UNC5D: variants seen among roughly 807,000 people sequenced by gnomAD.
UNC5D encodes the protein netrin receptor UNC5D.
Under a neutral mutation model 105.4 loss-of-function variants are expected in UNC5D, and 39 were observed. The ratio of observed to expected loss-of-function variants is 0.37; its 90% confidence interval spans 0.29 to 0.48. The LOEUF (loss-of-function observed/expected upper bound fraction) is 0.48. UNC5D is among the 20% of genes least tolerant of loss of function. The probability of loss-of-function intolerance (pLI) is 0.98; values close to 1 mark genes in which losing one functional copy is unlikely to be tolerated. For synonymous variants in UNC5D, 452 were observed against 450.4 expected, an observed-to-expected ratio of 1.00 and a Z score of -0.04; for missense variants, 991 against 1,202.4, an observed-to-expected ratio of 0.82 and a Z score of 2.60.
chr8:35,397,282 T>A (rs1483990367), intron 1 of UNC5D, among the ~76,000 whole-genome samples: 1 of 152,144 alleles, frequency 6.6e-6, no homozygotes, highest in Non-Finnish European at 1.5e-5. Flanking sequence ...TAGGCTTTCA[T>A]AAGGAAGCAG....
chr8:35,648,707 G>C (rs931556663), intron 4 of UNC5D, among the ~76,000 whole-genome samples: 4 of 146,662 alleles, frequency 2.7e-5, no homozygotes, highest in African/African-American at 1.0e-4. Flanking sequence ...AAAAAGGAGA[G>C]AGATCTCCAG....
At chr8:35,790,136 A>G (rs1238815249) in intron 16 of UNC5D, among the ~76,000 whole-genome samples, 1 of 152,068 alleles carries the variant, frequency 6.6e-6, no homozygotes, top group Non-Finnish European at 1.5e-5. Flanking sequence ...GAAAGACAAA[A>G]CAAGACTTGG....
chr8:35,560,019 A>G (rs1464606681), intron 2 of UNC5D, among the ~76,000 whole-genome samples: 1 of 152,236 alleles, frequency 6.6e-6, no homozygotes, highest in Non-Finnish European at 1.5e-5. Context: ...TCTATCTACA[A>G]CTAAACCATC....
intron 16 of UNC5D, among the ~76,000 whole-genome samples, chr8:35,775,216 T>C (rs1170287747): frequency 1.3e-5 from 2 of 152,156 alleles, no homozygotes; most frequent in Non-Finnish European, 2.9e-5. Context: ...ACAAAATTGA[T>C]TGCCTGAATA....
At chr8:35,306,352 G>T (rs1056366559) in intron 1 of UNC5D, among the ~76,000 whole-genome samples, 23 of 151,904 alleles carry the variant, frequency 1.5e-4, no homozygotes, top group African/African-American at 4.3e-4. Context: ...TATATTTTTA[G>T]GTTAAAATAT....
chr8:35,442,710 T>A (rs1807488010), intron 1 of UNC5D, among the ~76,000 whole-genome samples: 2 of 151,972 alleles, frequency 1.3e-5, no homozygotes, highest in Admixed American at 6.6e-5. Context: ...TTATGTTAAT[T>A]AATAAAAGCT....
chr8:35,743,736 CT>C (rs1415932147), intron 11 of UNC5D, among the ~76,000 whole-genome samples: 1 of 152,086 alleles, frequency 6.6e-6, no homozygotes, highest in African/African-American at 2.4e-5. Context: ...TCTCTCCTCT[CT>C]CCTTCATATA....
At position 35,454,996 on chromosome 8, in the gene UNC5D, C is replaced by A. The variant is rs73672301; in HGVS notation, c.104-94296C>A. Reference sequence around the variant, plus strand: ...TTAATCAACACACATTTGTTGAGCACCTTCATAATAAGGCTTACTTCTTTT... The same window carrying A: ...TTAATCAACACACATTTGTTGAGCAACTTCATAATAAGGCTTACTTCTTTT... On this transcript the variant is annotated intron_variant, in intron 1 of 16. Transcript: ENST00000404895. Among the ~76,000 whole-genome samples the A allele has an allele frequency of 6.2e-3, 946 of 152,154 alleles. 7 individuals carry two copies. The highest frequency in any genetic ancestry group is 0.022 in the African/African-American group (907 of 41,498).
chr8:35,689,031 C>T (rs1264484394), intron 7 of UNC5D, among the ~76,000 whole-genome samples: 1 of 152,210 alleles, frequency 6.6e-6, no homozygotes, highest in Admixed American at 6.5e-5. Flanking sequence ...TACAGTTGGG[C>T]AGTGAATTTT....
rs5890816 is a variant in UNC5D at position 35,482,793 on chromosome 8, CTTTTTTTTTTTTTTTTTT to C, written c.104-66490_104-66473del. Among the ~76,000 whole-genome samples, 8 of 78,146 alleles carry C rather than the reference CTTTTTTTTTTTTTTTTTT, an allele frequency of 1.0e-4. No homozygotes were observed. The South Asian group carries it at 3.6e-3, about 35-fold the overall frequency. The allele number at this position is 78,146 out of a possible 152,430, so 51.3% of individuals were successfully genotyped here. On this transcript the variant is annotated intron_variant, in intron 1 of 16. Transcript: ENST00000404895. ...TATATCAGTGTGTCATTAAAGAGATCTTTTTTTTTTTTTTTTTTTTTTTTTTGAGATGAAGTCTTGCTC... is the reference window on the plus strand; with the variant it reads ...TATATCAGTGTGTCATTAAAGAGATCTTTTTTTTGAGATGAAGTCTTGCTC...
At chr8:35,240,796 A>G (rs1451568002) in intron 1 of UNC5D, among the ~76,000 whole-genome samples, 1 of 152,212 alleles carries the variant, frequency 6.6e-6, no homozygotes, top group East Asian at 1.9e-4. Flanking sequence ...AGAGTACCTT[A>G]AATAAGTCTA....
chr8:35,335,826 C>A (rs772724653), intron 1 of UNC5D, among the ~76,000 whole-genome samples: 2 of 137,252 alleles, frequency 1.5e-5, no homozygotes, highest in Non-Finnish European at 1.5e-5. Context: ...TGCAGTGGCA[C>A]GATCTCGACT....
chr8:35,539,040 A>G (rs1334190288), intron 1 of UNC5D, among the ~76,000 whole-genome samples: 2 of 152,190 alleles, frequency 1.3e-5, no homozygotes, highest in East Asian at 1.9e-4. Flanking sequence ...TAAATGTTCA[A>G]TAGTAAAGAA....
intron 1 of UNC5D, among the ~76,000 whole-genome samples, chr8:35,350,863 G>T (rs1812186660): frequency 6.6e-6 from 1 of 151,954 alleles, no homozygotes; most frequent in African/African-American, 2.4e-5. Flanking sequence ...TCAAGTGCTT[G>T]CAGATTGTTG....
intron 8 of UNC5D, chr8:35,721,539 A>C: frequency 1.4e-6 from 1 of 702,616 alleles, no homozygotes; most frequent in Non-Finnish European, 2.6e-6. Context: ...AGAGTCTAGC[A>C]TTTAATTGGT....
intron 1 of UNC5D, among the ~76,000 whole-genome samples, chr8:35,467,420 A>C (rs887927253): frequency 6.6e-6 from 1 of 152,138 alleles, no homozygotes; most frequent in Non-Finnish European, 1.5e-5. Flanking sequence ...AGCAGAAATT[A>C]AGCTATGAAG....
intron 4 of UNC5D, among the ~76,000 whole-genome samples, chr8:35,596,334 A>G (rs922705661): frequency 6.6e-6 from 1 of 152,224 alleles, no homozygotes; most frequent in African/African-American, 2.4e-5. Context: ...AAGTCTTTCT[A>G]AATCTTTTAT....
intron 3 of UNC5D, among the ~76,000 whole-genome samples, chr8:35,586,431 C>G (rs1218918805): frequency 1.3e-5 from 2 of 152,166 alleles, no homozygotes; most frequent in Admixed American, 1.3e-4. Flanking sequence ...CCCTCGGGAA[C>G]TGAAGCCAGT....
intron 4 of UNC5D, among the ~76,000 whole-genome samples, chr8:35,679,401 G>C (rs1586412421): frequency 6.6e-6 from 1 of 152,146 alleles, no homozygotes; most frequent in African/African-American, 2.4e-5. Context: ...AAGTGGGATT[G>C]AGCCATGGTA....
Sources: gnomAD v4.1 joint callset for allele counts (sites outside exome capture counted in the v4.1 genomes callset) on GRCh38, gnomAD v4.1.1 for gene constraint, MANE v1.5 for transcripts, NCBI Gene and HGNC (gene_info 2026-07-23, HGNC 2026-07-21) for gene names.